The following APBA1 variants were observed in gnomAD, a reference collection of about 807,000 sequenced individuals.
APBA1 encodes the protein amyloid beta precursor protein binding family A member 1.
A neutral mutation model predicts 86.6 loss-of-function variants in APBA1; 55 were observed. The observed-to-expected ratio is 0.64, with a 90% confidence interval of 0.51 to 0.80. The LOEUF is 0.80. Among genes scored for constraint, APBA1 ranks in the 30% least tolerant of loss-of-function variants. The pLI is 0.00. For synonymous variants in APBA1, 511 were observed against 493.9 expected (o/e 1.03, Z -0.46); for missense variants, 1,090 against 1,183.0 (o/e 0.92, Z 1.15).
At chr9:69,636,803 AAGAGAGAG>A (rs34367635) in intron 1 of APBA1, among the ~76,000 whole-genome samples, 15 of 15,340 alleles carry the variant, frequency 9.8e-4, no homozygotes, top group African/African-American at 2.1e-3. Flanking sequence ...TCAAAAAAAG[AAGAGAGAG>A]AGAGAGAGAG....
intron 1 of APBA1, among the ~76,000 whole-genome samples, chr9:69,546,528 C>A (rs1836700532): frequency 6.6e-6 from 1 of 152,196 alleles, no homozygotes; most frequent in South Asian, 2.1e-4. Context: ...GTCTGGCCAT[C>A]CTCTTTTCTG....
chr9:69,528,558 A>C (rs1311899178), intron 1 of APBA1, among the ~76,000 whole-genome samples: 2 of 152,110 alleles, frequency 1.3e-5, no homozygotes, highest in Non-Finnish European at 2.9e-5. Context: ...CTTGGTATAA[A>C]ATCAAAAATA....
At chr9:69,447,238 G>A (rs1272830101) in intron 10 of APBA1, among the ~76,000 whole-genome samples, 1 of 152,102 alleles carries the variant, frequency 6.6e-6, no homozygotes, top group African/African-American at 2.4e-5. Context: ...TGTATTTGGA[G>A]GGAACACAAA....
intron 1 of APBA1, among the ~76,000 whole-genome samples, chr9:69,642,427 C>T (rs1236250892): frequency 6.6e-6 from 1 of 152,106 alleles, no homozygotes; most frequent in African/African-American, 2.4e-5. Flanking sequence ...AACTAGAATA[C>T]CTAAAACTAA....
chr9:69,481,370 A>G (rs1835505078), intron 2 of APBA1, among the ~76,000 whole-genome samples: 1 of 152,090 alleles, frequency 6.6e-6, no homozygotes, highest in African/African-American at 2.4e-5. Context: ...CCCATTCACA[A>G]TTGCTTCAAA....
chr9:69,573,070 T>G (rs7350265), intron 1 of APBA1, among the ~76,000 whole-genome samples: 93,997 of 151,612 alleles, frequency 0.62, 29,777 homozygotes, highest in East Asian at 0.83. Context: ...TGATGCAGGG[T>G]AATCGCTTGA....
intron 1 of APBA1, among the ~76,000 whole-genome samples, chr9:69,602,751 A>G (rs1301891346): frequency 6.6e-6 from 1 of 152,072 alleles, no homozygotes; most frequent in Non-Finnish European, 1.5e-5. Context: ...CCTGGGGGAG[A>G]GATTGGGAAA....
intron 1 of APBA1, among the ~76,000 whole-genome samples, chr9:69,597,159 A>G (rs1015721871): frequency 1.3e-5 from 2 of 152,240 alleles, no homozygotes; most frequent in Admixed American, 6.5e-5. Context: ...TTATTTCTCC[A>G]CATCCTCTCC....
intron 1 of APBA1, among the ~76,000 whole-genome samples, chr9:69,606,479 CTTTTTTTTT>C (rs35083481): frequency 1.2e-4 from 6 of 50,890 alleles, no homozygotes; most frequent in Admixed American, 3.5e-4. Context: ...AGGGAGCTAG[CTTTTTTTTT>C]TTTTTTTTTT....
rs144820255 is a variant in APBA1 at position 69,453,706 on chromosome 9, G to A, written c.1789-1405C>T. On this transcript the variant is annotated intron_variant, in intron 8 of 12. Transcript: ENST00000265381. ...TAGCAGGGTGCAAATACTGTACATT[G>A]TGCCATAACCCCCTGACGGTCTGGG... Among the ~76,000 whole-genome samples, 10 of 152,282 alleles carry A rather than the reference G, an allele frequency of 6.6e-5. No individual in the cohort carries two copies. In the South Asian group the frequency reaches 2.1e-3, roughly 32 times the overall value.
intron 6 of APBA1, 40 bp from the exon 7 acceptor site, chr9:69,457,179 C>T (rs1835113868): frequency 6.7e-7 from 1 of 1,499,958 alleles, no homozygotes; most frequent in South Asian, 1.1e-5. Flanking sequence ...TTTGACCACA[C>T]TACCCTGACC....
intron 1 of APBA1, among the ~76,000 whole-genome samples, chr9:69,530,805 A>G (rs985585255): frequency 2.6e-5 from 4 of 152,124 alleles, no homozygotes; most frequent in Non-Finnish European, 5.9e-5. Context: ...CACACCACTT[A>G]TCCTCCAAAA....
intron 1 of APBA1, among the ~76,000 whole-genome samples, chr9:69,642,987 A>T (rs1823318902): frequency 1.3e-5 from 2 of 151,408 alleles, no homozygotes; most frequent in South Asian, 4.2e-4. Context: ...CTATATATAC[A>T]TATATGTGTA....
intron 1 of APBA1, among the ~76,000 whole-genome samples, chr9:69,543,885 C>T (rs971695457): frequency 6.6e-5 from 10 of 152,188 alleles, no homozygotes; most frequent in Non-Finnish European, 1.2e-4. Context: ...GCCATCATTG[C>T]TTCCATTCAA....
intron 1 of APBA1, among the ~76,000 whole-genome samples, chr9:69,567,919 T>C (rs925821023): frequency 2.9e-4 from 44 of 152,012 alleles, no homozygotes; most frequent in Admixed American, 1.6e-3. Context: ...GTGGGAGAAA[T>C]GATGAAAACT....
chr9:69,574,342 A>G (rs1010141170), intron 1 of APBA1, among the ~76,000 whole-genome samples: 11 of 152,204 alleles, frequency 7.2e-5, no homozygotes, highest in Non-Finnish European at 1.5e-5. Flanking sequence ...TCTCTAATGC[A>G]GTGATTGCTT....
At chr9:69,450,078 TTTTTA>T (rs1765231981) in intron 9 of APBA1, among the ~76,000 whole-genome samples, 1 of 149,856 alleles carries the variant, frequency 6.7e-6, no homozygotes, top group South Asian at 2.1e-4. Context: ...TTTTTTTTTT[TTTTTA>T]ATTTCTTCAG....
intron 4 of APBA1, among the ~76,000 whole-genome samples, chr9:69,469,910 T>A (rs571108735): frequency 6.6e-6 from 1 of 152,288 alleles, no homozygotes; most frequent in South Asian, 2.1e-4. Context: ...TTTTTAAAAA[T>A]CAATGTTAAA....
chr9:69,514,608 A>C (rs1047978886), intron 2 of APBA1, among the ~76,000 whole-genome samples: 6 of 151,224 alleles, frequency 4.0e-5, no homozygotes, highest in East Asian at 1.9e-4. Flanking sequence ...AAACCAAAAC[A>C]AAAAAAATTG....
Sources: gnomAD v4.1 joint callset for allele counts (sites outside exome capture counted in the v4.1 genomes callset) on GRCh38, gnomAD v4.1.1 for gene constraint, MANE v1.5 for transcripts, NCBI Gene and HGNC (gene_info 2026-07-23, HGNC 2026-07-21) for gene names.